TRPC4: variants seen among roughly 807,000 people sequenced by gnomAD.
The protein encoded by TRPC4 is transient receptor potential cation channel subfamily C member 4, also known as short transient receptor potential channel 4.
Under a neutral mutation model 99.4 loss-of-function variants are expected in TRPC4, and 49 were observed. The observed-to-expected ratio is 0.49, with a 90% CI of 0.39 to 0.63. The LOEUF (loss-of-function observed/expected upper bound fraction) is 0.63. TRPC4 is among the 20% of genes least tolerant of loss of function. The pLI is 0.00. For synonymous variants in TRPC4, 454 were observed against 425.9 expected (o/e 1.07, Z -0.81); for missense variants, 898 against 1,152.9 (o/e 0.78, Z 3.20).
chr13:37,686,954 CT>C (rs112998998), intron 4 of TRPC4, among the ~76,000 whole-genome samples: 8,942 of 151,902 alleles, frequency 0.059, 385 homozygotes, highest in African/African-American at 0.12. Flanking sequence ...CATTAAAGTT[CT>C]TTCTTTCTTT....
At chr13:37,770,422 G>A (rs1310010725) in intron 2 of TRPC4, among the ~76,000 whole-genome samples, 1 of 151,562 alleles carries the variant, frequency 6.6e-6, no homozygotes, top group Non-Finnish European at 1.5e-5. Flanking sequence ...TTGATTGAGA[G>A]AATCAGGCAG....
At chr13:37,657,988 T>C (rs895499308) in intron 6 of TRPC4, among the ~76,000 whole-genome samples, 2 of 152,174 alleles carry the variant, frequency 1.3e-5, no homozygotes, top group African/African-American at 4.8e-5. Flanking sequence ...TGTTTCTCAA[T>C]GAATTGTTCA....
chr13:37,790,738 G>A (rs904725262), intron 1 of TRPC4, among the ~76,000 whole-genome samples: 2 of 151,978 alleles, frequency 1.3e-5, no homozygotes, highest in African/African-American at 4.8e-5. Context: ...CAGAAAACTC[G>A]GTATATTATC....
At chr13:37,820,119 C>A (rs182589992) in intron 1 of TRPC4, among the ~76,000 whole-genome samples, 43 of 151,972 alleles carry the variant, frequency 2.8e-4, no homozygotes, top group Non-Finnish European at 4.6e-4. Context: ...ATATTACCAC[C>A]AACCTCACAG....
chr13:37,724,597 C>CA (rs1302108474), intron 3 of TRPC4, among the ~76,000 whole-genome samples: 2 of 135,130 alleles, frequency 1.5e-5, no homozygotes, highest in East Asian at 6.7e-4. Flanking sequence ...ACTATATAAG[C>CA]GGTTTTTTTT....
At chr13:37,869,404 C>G (rs1960013773) in intron 1 of TRPC4, among the ~76,000 whole-genome samples, 191 bp downstream of exon 1, 1 of 152,144 alleles carries the variant, frequency 6.6e-6, no homozygotes, top group Admixed American at 6.5e-5. Context: ...GAAAGCTTCA[C>G]AGGTTTTTTT....
chr13:37,692,063 T>C lies in TRPC4; in HGVS notation c.1170A>G (p.Ser390=), dbSNP rs1357623792. 1 of 1,613,652 alleles carries C rather than the reference T, an allele frequency of 6.2e-7. No individual in the cohort carries two copies. Among genetic ancestry groups the C allele is most frequent in the African/African-American group, 1.3e-5 (1 of 74,904 alleles). Residue 390 remains serine (S), a synonymous_variant, in exon 4 of 11, where the codon TCA becomes TCG. Transcript: ENST00000379705. The part of the protein sequence containing the change: ...LLLASQHIDR[S]DLNRQGPPPT... The stretch of plus-strand genomic sequence containing the variant: ...GTGGTGGACCTTGCCTGTTCAAGTC[T>C]GACCTGTCGATGTGCTGAGAGGCAA...
intron 3 of TRPC4, among the ~76,000 whole-genome samples, chr13:37,726,940 T>A (rs1002608146): frequency 6.6e-6 from 1 of 152,114 alleles, no homozygotes; most frequent in South Asian, 2.1e-4. Flanking sequence ...TGAAAATATA[T>A]CAATTTTGAC....
intron 3 of TRPC4, among the ~76,000 whole-genome samples, chr13:37,732,140 C>T (rs964373316): frequency 6.6e-6 from 1 of 152,040 alleles, no homozygotes; most frequent in African/African-American, 2.4e-5. Flanking sequence ...GATTTCAGTT[C>T]TTGGATTCAA....
rs1959102357 is a variant in TRPC4 at position 37,853,218 on chromosome 13, A to ATAACCATACC, written c.-28+16367_-28+16376dup. On this transcript the variant is annotated intron_variant, in intron 1 of 10. Coordinates refer to ENST00000379705, the MANE Select transcript of TRPC4 (RefSeq NM_016179.4). ...TGCTGCTGGCCACAGAAGTGCCTGC[A>ATAACCATACC]TAACCATACCCTTAGTTCCAGCTGG... 5.3e-5 allele frequency among the ~76,000 whole-genome samples: 8 copies of ATAACCATACC among 152,350 alleles called. No homozygotes were observed. The South Asian group carries it at 1.4e-3, about 28-fold the overall frequency.
At chr13:37,796,938 A>ATAAAATAAAATAAAATAAAG (rs1174963106) in intron 1 of TRPC4, among the ~76,000 whole-genome samples, 8 of 122,568 alleles carry the variant, frequency 6.5e-5, no homozygotes, top group Non-Finnish European at 1.4e-4. Context: ...CAAAAATAAA[A>ATAAAATAAAATAAAATAAAG]TAAAATAAAA....
At chr13:37,744,619 G>A (rs1955685514) in intron 3 of TRPC4, among the ~76,000 whole-genome samples, 1 of 152,150 alleles carries the variant, frequency 6.6e-6, no homozygotes, top group Non-Finnish European at 1.5e-5. Context: ...AGTATTTAGT[G>A]AGTAGCAACA....
intron 4 of TRPC4, among the ~76,000 whole-genome samples, chr13:37,684,309 T>C (rs890287755): frequency 2.6e-5 from 4 of 152,178 alleles, no homozygotes; most frequent in Non-Finnish European, 5.9e-5. Context: ...TTGACACCAT[T>C]ATTTTAACAT....
intron 1 of TRPC4, among the ~76,000 whole-genome samples, chr13:37,793,515 C>T (rs1485866415): frequency 1.4e-5 from 2 of 147,574 alleles, no homozygotes; most frequent in African/African-American, 5.0e-5. Context: ...GGAAATTATT[C>T]AAAATACATA....
chr13:37,837,740 AT>A lies in TRPC4; in HGVS notation c.-28+31854del, dbSNP rs1268090052. 3.3e-5 allele frequency among the ~76,000 whole-genome samples: 5 copies of A among 152,120 alleles called. No individual in the cohort carries two copies. In the East Asian group the frequency reaches 9.7e-4, roughly 29 times the overall value. ...TGAGTTAATGCTGAAATGAGTTAAG[AT>A]TTTGGGGGACTGTTGGGAAGGCATG... On this transcript the variant is annotated intron_variant, in intron 1 of 10. Transcript: ENST00000379705.
At chr13:37,691,321 G>GT (rs1953698059) in intron 4 of TRPC4, among the ~76,000 whole-genome samples, 3 of 152,082 alleles carry the variant, frequency 2.0e-5, no homozygotes, top group Admixed American at 2.0e-4. Flanking sequence ...AGCTAGGATG[G>GT]CTACGATCTC....
intron 3 of TRPC4, among the ~76,000 whole-genome samples, chr13:37,735,157 ATAAT>A (rs1955357225): frequency 6.6e-6 from 1 of 152,118 alleles, no homozygotes. Flanking sequence ...CAAACATAAA[ATAAT>A]TAACCTCTAT....
intron 2 of TRPC4, among the ~76,000 whole-genome samples, chr13:37,767,512 G>A (rs1228222688): frequency 6.6e-6 from 1 of 151,174 alleles, no homozygotes; most frequent in Non-Finnish European, 1.5e-5. Flanking sequence ...GGTGTGGAAG[G>A]CTCCTCAGAA....
At chr13:37,793,805 A>G (rs535318217) in intron 1 of TRPC4, among the ~76,000 whole-genome samples, 3 of 152,260 alleles carry the variant, frequency 2.0e-5, no homozygotes, top group East Asian at 1.9e-4. Context: ...GGGAAATTGG[A>G]AATATGCGTA....
Sources: gnomAD v4.1 joint callset for allele counts (sites outside exome capture counted in the v4.1 genomes callset) on GRCh38, gnomAD v4.1.1 for gene constraint, MANE v1.5 for transcripts, NCBI Gene and HGNC (gene_info 2026-07-23, HGNC 2026-07-21) for gene names.